Variants in COPS2 observed in about 807,000 individuals in gnomAD.
COPS2 encodes COP9 signalosome complex subunit 2.
COPS2 carries 10 observed loss-of-function variants against 66.1 expected under a neutral mutation model. The ratio of observed to expected loss-of-function variants is 0.15; its 90% confidence interval spans 0.09 to 0.26. COPS2 has a LOEUF of 0.26. Ranked by LOEUF, COPS2 falls within the 10% of genes least tolerant of loss-of-function variation. COPS2 has a pLI of 1.00. For synonymous variants in COPS2, 179 were observed against 171.3 expected (o/e 1.04, Z -0.35); for missense variants, 215 against 513.3 (o/e 0.42, Z 5.62).
chr15:49,128,061 T>G lies in COPS2; in HGVS notation c.1221A>C (p.Gln407His). Reference sequence around the variant, plus strand: ...TCTTCTGATGATCCAGTTCAAGGAGTTGGTTGACTTGATCAATTCGGCCAT... The same window carrying G: ...TCTTCTGATGATCCAGTTCAAGGAGGTGGTTGACTTGATCAATTCGGCCAT... ...TIHGRIDQVNQLLELDHQKRG... is the reference protein window; with the variant it reads ...TIHGRIDQVNHLLELDHQKRG... Residue 407 changes from glutamine (Q) to histidine (H), a missense_variant, in exon 13 of 13, where the codon CAA (glutamine) becomes CAC (histidine). Physicochemically the swap from Gln to His is conservative, Grantham distance 24. Coordinates refer to ENST00000388901, the MANE Select transcript of COPS2 (RefSeq NM_004236.4). 1 of 1,613,758 alleles carries G rather than the reference T, an allele frequency of 6.2e-7. No individual in the cohort carries two copies. Among genetic ancestry groups the G allele is most frequent in the Non-Finnish European group, 8.5e-7 (1 of 1,179,798 alleles).
chr15:49,129,828 T>C (rs544575474), intron 10 of COPS2, among the ~76,000 whole-genome samples: 1 of 152,306 alleles, frequency 6.6e-6, no homozygotes, highest in Non-Finnish European at 1.5e-5. Context: ...TTACACTACT[T>C]ATCATTTCCT....
In COPS2 at chr15:49,126,843, C is replaced by A. The variant is rs1439700367; in HGVS notation, c.*1107G>T. On this transcript the variant is annotated 3_prime_UTR_variant, in exon 13 of 13. Coordinates refer to ENST00000388901, the MANE Select transcript of COPS2 (RefSeq NM_004236.4). ...CCAAGTAATGGTAACTAAAAATAAT[C>A]AAGCTTCCTAATACTATATTTTTTA... 1 of 152,096 alleles carries A rather than the reference C, an allele frequency of 6.6e-6. No homozygotes were observed. The highest frequency in any genetic ancestry group is 1.5e-5 in the Non-Finnish European group (1 of 67,974). 9.4% of individuals were successfully genotyped at this position (152,096 alleles called of 1,614,324 possible).
chr15:49,142,520 A>G (rs2084295715), intron 3 of COPS2, among the ~76,000 whole-genome samples: 1 of 152,186 alleles, frequency 6.6e-6, no homozygotes, highest in Non-Finnish European at 1.5e-5. Context: ...GGGAAATACA[A>G]AAACAGGGGA....
chr15:49,148,292 C>G (rs966022419), intron 1 of COPS2, among the ~76,000 whole-genome samples: 13 of 150,618 alleles, frequency 8.6e-5, no homozygotes, highest in African/African-American at 3.2e-4. Context: ...GCAAACAAAA[C>G]CGTAATATAA....
At chr15:49,154,534 C>A (rs907328197) in intron 1 of COPS2, among the ~76,000 whole-genome samples, 9 of 152,074 alleles carry the variant, frequency 5.9e-5, no homozygotes, top group Admixed American at 5.9e-4. Flanking sequence ...TAAAATGAGT[C>A]AGACGTCCCA....
chr15:49,144,542 G>A (rs1174189966), intron 2 of COPS2, among the ~76,000 whole-genome samples: 1 of 134,406 alleles, frequency 7.4e-6, no homozygotes, highest in Admixed American at 6.9e-5. Flanking sequence ...GCCACTTCTT[G>A]ATTATTATAT....
intron 1 of COPS2, 81 bp downstream of exon 1, chr15:49,155,444 G>A (rs924836054): frequency 2.1e-5 from 28 of 1,321,458 alleles, no homozygotes; most frequent in Non-Finnish European, 1.8e-5. Flanking sequence ...TGCTCTACGG[G>A]GAGAGGCCGC....
intron 3 of COPS2, among the ~76,000 whole-genome samples, chr15:49,143,203 CAAG>C (rs1394448870): frequency 1.3e-5 from 2 of 152,074 alleles, no homozygotes; most frequent in South Asian, 2.1e-4. Context: ...TGAGGAACAG[CAAG>C]AAGGCCAGTG....
chr15:49,134,507 T>C lies in COPS2; in HGVS notation c.548A>G (p.Asp183Gly). ...RQLHQSCQTD[D>G]GEDDLKKGTQ... ...ACCTTTTTTCAGATCATCTTCTCCA[T>C]CATCAGTCTAGGAAAGCAAATATTT... Residue 183 changes from aspartate (D) to glycine (G), a missense_variant, in exon 7 of 13, where the codon GAT (aspartate) becomes GGT (glycine). Transcript: ENST00000388901. The C allele has an allele frequency of 6.2e-7, 1 of 1,609,620 alleles. No individual in the cohort carries two copies. Among genetic ancestry groups the C allele is most frequent in the Non-Finnish European group, 8.5e-7 (1 of 1,178,180 alleles).
intron 4 of COPS2, among the ~76,000 whole-genome samples, chr15:49,138,198 G>C (rs2084266874): frequency 6.6e-6 from 1 of 152,112 alleles, no homozygotes; most frequent in Non-Finnish European, 1.5e-5. Flanking sequence ...TTTACATCTT[G>C]TTAAGTTCCC....
chr15:49,123,578 T>G lies in COPS2; in HGVS notation c.*4372A>C, dbSNP rs2084141157. ...ATGTATACATATGCACACAAAAAAG[T>G]TTTGGTCAGCTATTCATGTGGAAAT... On this transcript the variant is annotated 3_prime_UTR_variant, in exon 13 of 13. Transcript: ENST00000388901. 6.6e-6 allele frequency: 1 copy of G among 152,172 alleles called. No individual in the cohort carries two copies. Among genetic ancestry groups the G allele is most frequent in the East Asian group, 1.9e-4 (1 of 5,200 alleles). The allele number at this position is 152,172 out of a possible 1,614,324, so 9.4% of individuals were successfully genotyped here.
intron 1 of COPS2, among the ~76,000 whole-genome samples, chr15:49,151,778 T>C (rs1362990687): frequency 6.6e-6 from 1 of 151,856 alleles, no homozygotes; most frequent in African/African-American, 2.4e-5. Flanking sequence ...ATCATGCATG[T>C]ATGTTGAATT....
chr15:49,149,162 GT>G (rs1211135513), intron 1 of COPS2, among the ~76,000 whole-genome samples: 2 of 152,126 alleles, frequency 1.3e-5, no homozygotes, highest in African/African-American at 4.8e-5. Context: ...TTCAATAATA[GT>G]TCCAACCTAC....
At chr15:49,129,311 A>G (rs2084192257) in intron 11 of COPS2, among the ~76,000 whole-genome samples, 166 bp downstream of exon 11, 1 of 152,064 alleles carries the variant, frequency 6.6e-6, no homozygotes, top group Non-Finnish European at 1.5e-5. Flanking sequence ...TCTCTTAAAA[A>G]AAAAAAAAAT....
chr15:49,148,721 G>C (rs997167097), intron 1 of COPS2, among the ~76,000 whole-genome samples: 1 of 152,154 alleles, frequency 6.6e-6, no homozygotes, highest in East Asian at 1.9e-4. Context: ...GAGCTGTGAA[G>C]GCCTGACTCC....
At chr15:49,138,228 C>G (rs186296271) in intron 4 of COPS2, among the ~76,000 whole-genome samples, 2 of 152,148 alleles carry the variant, frequency 1.3e-5, no homozygotes, top group African/African-American at 2.4e-5. Flanking sequence ...CTCTTCCCCC[C>G]GCTTCTGGCT....
At chr15:49,146,218 C>T (rs12914876) in intron 1 of COPS2, among the ~76,000 whole-genome samples, 22,597 of 152,054 alleles carry the variant, frequency 0.15, 2,118 homozygotes, top group Non-Finnish European at 0.21. Context: ...ATAATTCCTT[C>T]CTCGTGTGAA....
At chr15:49,142,214 G>C (rs1450552364) in intron 3 of COPS2, among the ~76,000 whole-genome samples, 1 of 152,150 alleles carries the variant, frequency 6.6e-6, no homozygotes, top group East Asian at 1.9e-4. Context: ...ATATAATGTA[G>C]ATAATTTTCA....
Position 49,133,918 on chromosome 15 carries a change from A to G in COPS2, c.894+12T>C. On this transcript the variant is annotated intron_variant, in intron 8 of 12. Transcript: ENST00000388901. Reference sequence around the variant, plus strand: ...AGCTGATAAGAGAAATTAACAATTAAAACACACGTACCTCCTGTGAGTCAA... The same window carrying G: ...AGCTGATAAGAGAAATTAACAATTAGAACACACGTACCTCCTGTGAGTCAA... 6.3e-7 allele frequency: 1 copy of G among 1,588,892 alleles called. No individual in the cohort carries two copies.
Sources: allele counts gnomAD v4.1 joint callset (sites outside exome capture counted in the v4.1 genomes callset), GRCh38; gene constraint gnomAD v4.1.1; transcripts MANE v1.5; gene names NCBI Gene and HGNC (gene_info 2026-07-23, HGNC 2026-07-21).